Variants in CCNY observed in about 807,000 individuals in gnomAD.
CCNY encodes the protein cyclin Y, also known as cyclin-Y.
In CCNY, 19 loss-of-function variants were observed where a neutral mutation model predicts 42.8. The ratio of observed to expected loss-of-function variants is 0.44; its 90% CI spans 0.31 to 0.65. The LOEUF is 0.65. Ranked by LOEUF, CCNY falls within the 30% of genes least tolerant of loss-of-function variation. The pLI is 0.07. For synonymous variants in CCNY, 165 were observed against 162.7 expected (o/e 1.01, Z -0.11); for missense variants, 370 against 437.3 (o/e 0.85, Z 1.37).
At chr10:35,456,635 A>C (rs1444489265) in intron 1 of CCNY, among the ~76,000 whole-genome samples, 1 of 152,194 alleles carries the variant, frequency 6.6e-6, no homozygotes, top group South Asian at 2.1e-4. Context: ...ATCATTAGTT[A>C]TGCATCACAT....
chr10:35,493,070 G>A (rs1432851041), intron 2 of CCNY, among the ~76,000 whole-genome samples: 3 of 152,122 alleles, frequency 2.0e-5, no homozygotes, highest in Non-Finnish European at 2.9e-5. Context: ...GGGTGCCGTG[G>A]CTCACTTTTC....
At chr10:35,503,868 T>G (rs115066630) in intron 3 of CCNY, among the ~76,000 whole-genome samples, 1,924 of 152,328 alleles carry the variant, frequency 0.013, 44 homozygotes, top group African/African-American at 0.044. Flanking sequence ...ATAACACCAG[T>G]TCCCATGTGA....
intron 1 of CCNY, among the ~76,000 whole-genome samples, chr10:35,429,996 G>A (rs1208132490): frequency 2.6e-5 from 4 of 152,102 alleles, no homozygotes; most frequent in African/African-American, 9.7e-5. Flanking sequence ...TGTCCCATTT[G>A]TTCTGTTCCT....
At chr10:35,366,260 T>C (rs1217696305) in intron 1 of CCNY, among the ~76,000 whole-genome samples, 1 of 152,258 alleles carries the variant, frequency 6.6e-6, no homozygotes, top group African/African-American at 2.4e-5. Flanking sequence ...CTTTTGAGAA[T>C]AAATTAGATT....
chr10:35,436,647 T>C (rs890994562), intron 1 of CCNY, among the ~76,000 whole-genome samples: 1 of 152,226 alleles, frequency 6.6e-6, no homozygotes, highest in African/African-American at 2.4e-5. Context: ...TCCATGACTT[T>C]GAGATCCTTA....
intron 7 of CCNY, among the ~76,000 whole-genome samples, chr10:35,551,616 G>A (rs1053429254): frequency 1.6e-4 from 25 of 151,994 alleles, no homozygotes; most frequent in African/African-American, 5.8e-4. Context: ...AGTGTAAGAC[G>A]TACTATCAAT....
chr10:35,464,886 T>A lies in CCNY; in HGVS notation c.155-18518T>A, dbSNP rs180809329. 3.0e-3 allele frequency among the ~76,000 whole-genome samples: 451 copies of A among 152,370 alleles called. 13 individuals carry two copies. Among genetic ancestry groups the A allele is most frequent in the Admixed American group, 0.029 (439 of 15,302 alleles). ...TTCAGGGTGTTGTCATTTCATATGC[T>A]TTTCAGCTGTCTGCAACAGCAGATT... is the stretch of plus-strand genomic sequence containing the variant. On this transcript the variant is annotated intron_variant, in intron 1 of 9. Transcript: ENST00000374704.
intron 1 of CCNY, among the ~76,000 whole-genome samples, chr10:35,353,271 G>T (rs527830298): frequency 3.3e-5 from 5 of 152,288 alleles, no homozygotes; most frequent in African/African-American, 1.2e-4. Flanking sequence ...AGTTGAACTT[G>T]TTCGTAGCTT....
chr10:35,492,007 A>G (rs920513191), intron 2 of CCNY, among the ~76,000 whole-genome samples: 1 of 152,062 alleles, frequency 6.6e-6, no homozygotes, highest in East Asian at 1.9e-4. Flanking sequence ...CTGCACCTAT[A>G]TGCCCTGAAT....
chr10:35,293,928 T>A (rs1835443406), intron 3 of CCNY, among the ~76,000 whole-genome samples: 1 of 151,994 alleles, frequency 6.6e-6, no homozygotes, highest in South Asian at 2.1e-4. Flanking sequence ...GTAGCTGAGA[T>A]TACAGTCACC....
chr10:35,276,093 G>A (rs1314383071), intron 3 of CCNY, among the ~76,000 whole-genome samples: 1 of 152,206 alleles, frequency 6.6e-6, no homozygotes, highest in African/African-American at 2.4e-5. Context: ...TTCTCATTCA[G>A]TAAGTTCTGG....
intron 2 of CCNY, among the ~76,000 whole-genome samples, chr10:35,249,406 C>A (rs1200807674): frequency 6.6e-6 from 1 of 152,098 alleles, no homozygotes; most frequent in African/African-American, 2.4e-5. Context: ...CAGAAAATCC[C>A]TAAATGGAAA....
chr10:35,506,917 A>C (rs1396315568), intron 3 of CCNY, among the ~76,000 whole-genome samples: 1 of 152,204 alleles, frequency 6.6e-6, no homozygotes, highest in Non-Finnish European at 1.5e-5. Flanking sequence ...ACACTGCTAC[A>C]TGTGGGGAAG....
chr10:35,353,976 TC>T (rs1191893532), intron 1 of CCNY, among the ~76,000 whole-genome samples: 1 of 152,138 alleles, frequency 6.6e-6, no homozygotes, highest in Non-Finnish European at 1.5e-5. Flanking sequence ...GGGGCTGTAG[TC>T]AACTCATGGC....
At chr10:35,474,153 G>A (rs1288381849) in intron 1 of CCNY, among the ~76,000 whole-genome samples, 2 of 152,168 alleles carry the variant, frequency 1.3e-5, no homozygotes, top group Non-Finnish European at 2.9e-5. Flanking sequence ...CCTACCCCAC[G>A]GAGTCTCGCT....
intron 2 of CCNY, among the ~76,000 whole-genome samples, chr10:35,491,534 A>G (rs947149192): frequency 6.6e-6 from 1 of 152,176 alleles, no homozygotes; most frequent in South Asian, 2.1e-4. Context: ...GAAATCGTAC[A>G]TGCTCCTTGG....
chr10:35,247,896 A>G (rs576820470), intron 1 of CCNY, among the ~76,000 whole-genome samples: 1 of 150,936 alleles, frequency 6.6e-6, no homozygotes, highest in East Asian at 1.9e-4. Flanking sequence ...AAAAAAGAAA[A>G]GAAAAGAAAG....
chr10:35,354,610 A>G (rs982672187), intron 1 of CCNY, among the ~76,000 whole-genome samples: 2 of 152,216 alleles, frequency 1.3e-5, no homozygotes, highest in African/African-American at 4.8e-5. Flanking sequence ...CAGGAGATAC[A>G]TTGGGGCCCA....
At chr10:35,563,442 A>G (rs1841505223) in intron 8 of CCNY, among the ~76,000 whole-genome samples, 1 of 152,064 alleles carries the variant, frequency 6.6e-6, no homozygotes, top group Non-Finnish European at 1.5e-5. Flanking sequence ...TTTTCTTCTT[A>G]CTATTGGGAG....
Sources: gnomAD v4.1 joint callset for allele counts (sites outside exome capture counted in the v4.1 genomes callset) on GRCh38, gnomAD v4.1.1 for gene constraint, MANE v1.5 for transcripts, NCBI Gene and HGNC (gene_info 2026-07-23, HGNC 2026-07-21) for gene names.